The following C11orf54 variants were observed in gnomAD, a reference collection of about 807,000 sequenced individuals.
C11orf54 encodes beta-keto-L-gulonate decarboxylase, also known as beta-keto L-gulonate decarboxylase.
C11orf54 carries 29 observed loss-of-function variants against 35.5 expected under a neutral mutation model. The observed-to-expected ratio is 0.82, with a 90% CI of 0.61 to 1.11. The LOEUF (loss-of-function observed/expected upper bound fraction) is 1.11, where lower values mean the gene tolerates loss of function less well. Ranked by LOEUF, C11orf54 falls within the 50% of genes most tolerant of loss-of-function variation. The probability of loss-of-function intolerance (pLI) is 0.00; values close to 1 mark genes in which losing one functional copy is unlikely to be tolerated. For synonymous variants in C11orf54, 108 were observed against 121.1 expected, an observed-to-expected ratio of 0.89 and a Z score of 0.71; for missense variants, 373 against 369.2, an observed-to-expected ratio of 1.01 and a Z score of -0.08.
In C11orf54 at chr11:93,753,024, A is replaced by G. The variant is rs1942929582; in HGVS notation, c.155-658A>G. On this transcript the variant is annotated intron_variant, in intron 3 of 8. Transcript: ENST00000354421. ...GAGACAGAGTCTTGCTCTGTTGCCC[A>G]GGCTGGAATACAGTAGCACAATCTT... Among the ~76,000 whole-genome samples, 2 of 152,220 alleles carry G rather than the reference A, an allele frequency of 1.3e-5. 1 individual carries two copies. Among genetic ancestry groups the G allele is most frequent in the South Asian group, 4.1e-4 (2 of 4,828 alleles).
intron 3 of C11orf54, among the ~76,000 whole-genome samples, chr11:93,751,646 C>T (rs1355001893): frequency 4.0e-5 from 6 of 151,634 alleles, no homozygotes; most frequent in East Asian, 1.9e-4. Flanking sequence ...CCTCGTGATC[C>T]GCCCACCTCG....
At chr11:93,759,575 C>A (rs763991192) in intron 7 of C11orf54, among the ~76,000 whole-genome samples, 167 bp from the exon 8 acceptor site, 6 of 152,040 alleles carry the variant, frequency 3.9e-5, no homozygotes, top group Non-Finnish European at 7.4e-5. Flanking sequence ...CAGCAAACCA[C>A]CAGGGTACGT....
Position 93,741,701 on chromosome 11 carries a change from T to C in C11orf54, c.-125T>C. On this transcript the variant is annotated 5_prime_UTR_variant, in exon 1 of 9. Coordinates refer to ENST00000354421, the MANE Select transcript of C11orf54 (RefSeq NM_001286069.2). ...TTGGCCTAGGCGAAGATCCGGACTC[T>C]GGGTGTTTTGCTACCGTGACCGTTT... 1 of 355,306 alleles carries C rather than the reference T, an allele frequency of 2.8e-6. No homozygotes were observed. The highest frequency in any genetic ancestry group is 2.1e-5 in the South Asian group (1 of 48,078). The allele number at this position is 355,306 out of a possible 1,614,324, so 22.0% of individuals were successfully genotyped here.
chr11:93,744,993 G>T (rs984322076), intron 1 of C11orf54, among the ~76,000 whole-genome samples: 1 of 151,882 alleles, frequency 6.6e-6, no homozygotes, highest in Non-Finnish European at 1.5e-5. Context: ...TCAAGGGAAG[G>T]TACTGTGCCC....
intron 5 of C11orf54, 51 bp from the exon 6 acceptor site, chr11:93,755,159 T>C (rs770286382): frequency 8.5e-6 from 13 of 1,529,086 alleles, no homozygotes; most frequent in Middle Eastern, 1.7e-4. Flanking sequence ...ATTCAAGATA[T>C]TCTCTTTGCA....
chr11:93,745,392 A>G (rs1346418140), intron 1 of C11orf54, among the ~76,000 whole-genome samples: 1 of 152,118 alleles, frequency 6.6e-6, no homozygotes, highest in Non-Finnish European at 1.5e-5. Flanking sequence ...GTTAATAGAG[A>G]ATGGAGAATG....
intron 1 of C11orf54, among the ~76,000 whole-genome samples, chr11:93,743,144 G>A (rs964803092): frequency 6.6e-6 from 1 of 151,668 alleles, no homozygotes; most frequent in African/African-American, 2.4e-5. Context: ...GGGACTACAC[G>A]CGCCCGCCAC....
intron 1 of C11orf54, among the ~76,000 whole-genome samples, chr11:93,744,950 A>G (rs1212463819): frequency 5.3e-5 from 8 of 152,200 alleles, no homozygotes; most frequent in Non-Finnish European, 4.4e-5. Context: ...GCAGGAAAAC[A>G]TGTGAGTAAA....
intron 1 of C11orf54, among the ~76,000 whole-genome samples, chr11:93,743,752 T>C (rs951145780): frequency 1.3e-5 from 2 of 152,178 alleles, no homozygotes; most frequent in Admixed American, 6.5e-5. Context: ...TGGTATATAG[T>C]GTGCACTCAA....
At chr11:93,755,845 G>C (rs1392218947) in intron 6 of C11orf54, among the ~76,000 whole-genome samples, 2 of 151,700 alleles carry the variant, frequency 1.3e-5, no homozygotes, top group Non-Finnish European at 2.9e-5. Context: ...GACAGGCAGA[G>C]CAAAAGTCAT....
chr11:93,753,859 A>C (rs1942978951), intron 4 of C11orf54, 77 bp from the exon 5 acceptor site: 1 of 1,533,564 alleles, frequency 6.5e-7, no homozygotes, highest in Non-Finnish European at 9.0e-7. Context: ...AGGAAGTGCT[A>C]ATGGATCAGT....
chr11:93,745,331 G>A (rs758142120), intron 1 of C11orf54, among the ~76,000 whole-genome samples: 4 of 152,126 alleles, frequency 2.6e-5, no homozygotes, highest in East Asian at 1.9e-4. Flanking sequence ...CAATACCCAC[G>A]CTTTCTTGGG....
chr11:93,756,330 A>AAT (rs1555025460), intron 6 of C11orf54, among the ~76,000 whole-genome samples: 15 of 146,364 alleles, frequency 1.0e-4, no homozygotes, highest in South Asian at 4.3e-4. Context: ...AAAAAAAAAA[A>AAT]TTTTTTTTTT....
chr11:93,758,125 C>T (rs1022671384), intron 7 of C11orf54, among the ~76,000 whole-genome samples: 20 of 152,216 alleles, frequency 1.3e-4, no homozygotes, highest in Admixed American at 8.5e-4. Flanking sequence ...GCCTGGTCAA[C>T]ATAGTGATGA....
chr11:93,757,268 G>A, intron 6 of C11orf54, 48 bp from the exon 7 acceptor site: 1 of 1,550,090 alleles, frequency 6.5e-7, no homozygotes, highest in Non-Finnish European at 8.7e-7. Flanking sequence ...TATTTCAGTA[G>A]TTATTTTGCA....
Position 93,753,675 on chromosome 11 carries a change from T to G in C11orf54, c.155-7T>G. The G allele has an allele frequency of 6.2e-7, 1 of 1,613,608 alleles. No individual in the cohort carries two copies. Among genetic ancestry groups the G allele is most frequent in the South Asian group, 1.1e-5 (1 of 91,016 alleles). ...GCTTGTGTTTTTGTTTTTTGGTTTT[T>G]TCTTAGGCATCTGTGGGAAAACTAG... On this transcript the variant is annotated splice_polypyrimidine_tract_variant and splice_region_variant and intron_variant, in intron 3 of 8. Transcript: ENST00000354421.
At position 93,750,438 on chromosome 11, in the gene C11orf54, G is replaced by A. The variant is rs747000667; in HGVS notation, c.148G>A (p.Val50Ile). 2.5e-6 allele frequency: 4 copies of A among 1,610,038 alleles called. No homozygotes were observed. Among genetic ancestry groups the A allele is most frequent in the Non-Finnish European group, 3.4e-6 (4 of 1,177,528 alleles). Residue 50 changes from valine (V) to isoleucine (I), a missense_variant, in exon 3 of 9, where the codon GTA (valine) becomes ATA (isoleucine). By Grantham distance (29) the Val-to-Ile change is conservative. Transcript: ENST00000354421. ...DLTKEPFTFP[V>I]KGICGKTRIA... The stretch of plus-strand genomic sequence containing the variant: ...GACTAAGGAACCCTTTACCTTTCCT[G>A]TAAAAGGTAAGCAATTTTTGCAATT...
chr11:93,744,122 C>T (rs975277436), intron 1 of C11orf54, among the ~76,000 whole-genome samples: 7 of 152,200 alleles, frequency 4.6e-5, no homozygotes, highest in Admixed American at 1.3e-4. Context: ...CTAAGGAACT[C>T]ATTTGATTTT....
chr11:93,759,838 GT>G lies in C11orf54; in HGVS notation c.759del (p.Phe253LeufsTer35). The G allele has an allele frequency of 1.2e-6, 2 of 1,603,466 alleles. No individual in the cohort carries two copies. Among genetic ancestry groups the G allele is most frequent in the Non-Finnish European group, 8.5e-7 (1 of 1,171,744 alleles). On this transcript the variant is annotated frameshift_variant, in exon 8 of 9. Transcript: ENST00000354421. LOFTEE classifies it high-confidence loss of function. ...EMKAPLVCLP[V>X]FVSRDPGFDL... ...GAAAGCTCCTTTGGTTTGTCTACCAGTTTTTGTCTCCAGAGACCCAGTAAGT... is the reference window on the plus strand; with the variant it reads ...GAAAGCTCCTTTGGTTTGTCTACCAGTTTTGTCTCCAGAGACCCAGTAAGT...
Sources: gnomAD v4.1 joint callset for allele counts (sites outside exome capture counted in the v4.1 genomes callset) on GRCh38, gnomAD v4.1.1 for gene constraint, MANE v1.5 for transcripts, NCBI Gene and HGNC (gene_info 2026-07-23, HGNC 2026-07-21) for gene names.